Variants in EXOC3L2 observed in about 807,000 individuals in gnomAD.
EXOC3L2 encodes the protein exocyst complex component 3 like 2, also known as exocyst complex component 3-like protein 2.
EXOC3L2 carries 17 observed loss-of-function variants against 44.4 expected under a neutral mutation model. The ratio of observed to expected loss-of-function variants is 0.38; its 90% confidence interval spans 0.26 to 0.57. The LOEUF is 0.57. EXOC3L2 is among the 20% of genes least tolerant of loss of function. EXOC3L2 has a pLI of 0.65. For missense variants in EXOC3L2, 541 were observed against 588.4 expected (o/e 0.92, Z 0.83); for synonymous variants, 256 against 253.7 (o/e 1.01, Z -0.09).
intron 1 of EXOC3L2, among the ~76,000 whole-genome samples, chr19:45,239,960 G>A (rs539131692): frequency 1.2e-4 from 19 of 152,112 alleles, no homozygotes; most frequent in African/African-American, 3.6e-4. Flanking sequence ...CCACCCAGAC[G>A]TCCAGGGCAG....
At chr19:45,241,492 A>AAAG (rs1555758314) in intron 1 of EXOC3L2, among the ~76,000 whole-genome samples, 2 of 151,612 alleles carry the variant, frequency 1.3e-5, no homozygotes, top group African/African-American at 4.8e-5. Flanking sequence ...AAAAAAAAAA[A>AAAG]AAAAGAAAAG....
At chr19:45,226,268 T>C (rs963062565) in intron 7 of EXOC3L2, among the ~76,000 whole-genome samples, 2 of 152,038 alleles carry the variant, frequency 1.3e-5, no homozygotes, top group Non-Finnish European at 2.9e-5. Flanking sequence ...TGGACTGTTC[T>C]CCATTCGGCA....
At chr19:45,216,044 C>T (rs112530898) in intron 11 of EXOC3L2, 29 bp downstream of exon 11, 16 of 1,610,306 alleles carry the variant, frequency 9.9e-6, no homozygotes, top group Admixed American at 3.3e-5. Flanking sequence ...CCAGGCACGG[C>T]GAGCCCTGGC....
intron 2 of EXOC3L2, among the ~76,000 whole-genome samples, chr19:45,237,065 G>A (rs1244386436): frequency 6.6e-6 from 1 of 151,684 alleles, no homozygotes; most frequent in African/African-American, 2.4e-5. Context: ...TGGGTGCTGA[G>A]AGGGGCCTGG....
chr19:45,227,075 T>C (rs920335647), intron 7 of EXOC3L2, among the ~76,000 whole-genome samples: 2 of 150,248 alleles, frequency 1.3e-5, no homozygotes, highest in Non-Finnish European at 3.0e-5. Flanking sequence ...TCTTTTTTTT[T>C]AGTTAAACTA....
chr19:45,229,249 TACA>T, intron 4 of EXOC3L2, among the ~76,000 whole-genome samples: 1 of 122,132 alleles, frequency 8.2e-6, no homozygotes, highest in African/African-American at 3.4e-5. Context: ...ATTAAATATA[TACA>T]TATATTTATG....
At chr19:45,225,633 T>C (rs1249925901) in intron 7 of EXOC3L2, among the ~76,000 whole-genome samples, 1 of 148,378 alleles carries the variant, frequency 6.7e-6, no homozygotes, top group African/African-American at 2.5e-5. Context: ...TTTTTTTTTT[T>C]TTTTTTGAGA....
At chr19:45,230,745 C>T (rs1335192473) in intron 4 of EXOC3L2, among the ~76,000 whole-genome samples, 3 of 152,166 alleles carry the variant, frequency 2.0e-5, no homozygotes, top group Non-Finnish European at 4.4e-5. Context: ...GTTTCAAGAA[C>T]TCCAAAGGCT....
intron 8 of EXOC3L2, among the ~76,000 whole-genome samples, chr19:45,219,188 G>A (rs1969870943): frequency 6.6e-6 from 1 of 151,946 alleles, no homozygotes; most frequent in African/African-American, 2.4e-5. Context: ...ACTCCAGCCT[G>A]GGCGACAGAG....
rs1481159727 is a variant in EXOC3L2, at chr19:45,224,883, C to A, written c.1614G>T (p.Gly538=). The change falls in exon 8 of 12, where the codon GGG becomes GGT. Residue 538 remains glycine (G), a synonymous_variant. Transcript: ENST00000413988. ...CCCGGGCCGGCTCGCTTTCTGGGGG[C>A]CCCACCCGGGCCAGGCGCTCGGCCA... ...RALAERLARV[G]PPESEPAREA... is the part of the protein sequence containing the mutation. 1 of 1,566,372 alleles carries A rather than the reference C, an allele frequency of 6.4e-7. No homozygotes were observed. Among genetic ancestry groups the A allele is most frequent in the Admixed American group, 1.8e-5 (1 of 54,794 alleles).
intron 8 of EXOC3L2, among the ~76,000 whole-genome samples, chr19:45,224,205 T>G: frequency 1.3e-5 from 2 of 150,044 alleles, no homozygotes; most frequent in Admixed American, 6.7e-5. Flanking sequence ...GGAGATGAGG[T>G]CTGAGAAGGA....
At chr19:45,228,347 T>G in intron 4 of EXOC3L2, 81 bp from the exon 5 acceptor site, 12 of 1,218,816 alleles carry the variant, frequency 9.8e-6, no homozygotes, top group Middle Eastern at 2.7e-4. Flanking sequence ...CCCACCACAA[T>G]CCCCTAGCCC....
At chr19:45,213,967 AG>A (rs1336039878) in intron 11 of EXOC3L2, among the ~76,000 whole-genome samples, 2 of 151,944 alleles carry the variant, frequency 1.3e-5, no homozygotes, top group Non-Finnish European at 2.9e-5. Flanking sequence ...AGTAAAAAAA[AG>A]AAAGAAACCT....
At chr19:45,213,438 C>T (rs764606029) in intron 11 of EXOC3L2, 81 bp from the exon 12 acceptor site, 37 of 1,534,826 alleles carry the variant, frequency 2.4e-5, no homozygotes, top group Admixed American at 6.2e-5. Context: ...CCCCACCTGA[C>T]CCCCTCACCT....
intron 3 of EXOC3L2, 114 bp from the exon 4 acceptor site, chr19:45,231,988 C>G: frequency 3.7e-6 from 2 of 536,972 alleles, no homozygotes; most frequent in Non-Finnish European, 3.2e-6. Context: ...CTCCCTTCCT[C>G]TCTCTAAGTC....
intron 4 of EXOC3L2, 138 bp downstream of exon 4, chr19:45,231,625 A>C: frequency 1.5e-6 from 1 of 677,250 alleles, no homozygotes; most frequent in Non-Finnish European, 2.5e-6. Flanking sequence ...TCTATGGCAC[A>C]TGGATAGAAC....
Position 45,234,758 on chromosome 19 carries a change from C to T in EXOC3L2, c.592G>A (p.Glu198Lys), listed in dbSNP as rs1338951703. Residue 198 changes from glutamate (E) to lysine (K), a missense_variant, in exon 3 of 12, where the codon GAG (glutamate) becomes AAG (lysine). By Grantham distance (56) the Glu-to-Lys change is moderately conservative. Transcript: ENST00000413988. This position sits in a 1 kb window ranked among gnomAD's most constrained non-coding sequence, Gnocchi z 5.0. ...CTCGACGGCGCCAGCTCCTCGGCCT[C>T]TAGCTCCAGGATGTGCTCGTCCGCA... ...ARADEHILEL[E>K]AEELAPSRGG... 2.5e-6 allele frequency: 1 copy of T among 396,000 alleles called. No individual in the cohort carries two copies. Among genetic ancestry groups the T allele is most frequent in the African/African-American group, 2.1e-5 (1 of 48,482 alleles). 24.5% of individuals were successfully genotyped at this position (396,000 alleles called of 1,614,324 possible).
Position 45,234,048 on chromosome 19 carries a change from G to A in EXOC3L2, c.1157+145C>T, listed in dbSNP as rs981364713. The A allele has an allele frequency of 1.6e-5, 6 of 372,298 alleles. No individual in the cohort carries two copies. The highest frequency in any genetic ancestry group is 2.9e-5 in the Non-Finnish European group (6 of 209,302). 23.1% of individuals were successfully genotyped at this position (372,298 alleles called of 1,614,324 possible). Reference sequence around the variant, plus strand: ...GAGTCTAGGATTGTAACTGTCAGCGGTGCTGACGACTGGATGGGTTAATGG... The same window carrying A: ...GAGTCTAGGATTGTAACTGTCAGCGATGCTGACGACTGGATGGGTTAATGG... On this transcript the variant is annotated intron_variant, in intron 3 of 11. Coordinates refer to ENST00000413988, the MANE Select transcript of EXOC3L2 (RefSeq NM_001382422.1). This position sits in a 1 kb window ranked among gnomAD's most constrained non-coding sequence, Gnocchi z 5.0.
chr19:45,228,515 A>G (rs192288785), intron 4 of EXOC3L2, among the ~76,000 whole-genome samples: 128 of 152,240 alleles, frequency 8.4e-4, no homozygotes, highest in African/African-American at 3.0e-3. Context: ...GATGGCTCAC[A>G]CATGTAATCT....
Sources: allele counts gnomAD v4.1 joint callset (sites outside exome capture counted in the v4.1 genomes callset), GRCh38; gene constraint gnomAD v4.1.1; non-coding constraint Gnocchi (gnomAD v3.1); transcripts MANE v1.5; gene names NCBI Gene and HGNC (gene_info 2026-07-23, HGNC 2026-07-21).